CACNA1C: variants seen among roughly 807,000 people sequenced by gnomAD.
CACNA1C encodes the protein calcium voltage-gated channel subunit alpha1 C.
CACNA1C carries 30 observed loss-of-function variants against 229.0 expected under a neutral mutation model. That is an observed-to-expected ratio of 0.13 (90% CI 0.10 to 0.18). The LOEUF is 0.18. Ranked by LOEUF, CACNA1C falls within the 10% of genes least tolerant of loss-of-function variation. The pLI, the probability that CACNA1C is intolerant of heterozygous loss-of-function variation, is 1.00. For missense variants in CACNA1C, 1,658 were observed against 2,845.0 expected (o/e 0.58, Z 9.49); for synonymous variants, 1,114 against 1,132.5 (o/e 0.98, Z 0.33).
intron 3 of CACNA1C, among the ~76,000 whole-genome samples, chr12:2,333,990 T>C (rs1192519533): frequency 2.0e-5 from 3 of 152,172 alleles, no homozygotes; most frequent in Non-Finnish European, 4.4e-5. Flanking sequence ...TCTTACTCCT[T>C]CTGCAAACAG....
intron 2 of CACNA1C, among the ~76,000 whole-genome samples, chr12:2,117,270 CAAATAAAT>C (rs111273230): frequency 1.3e-5 from 2 of 152,092 alleles, no homozygotes; most frequent in East Asian, 1.9e-4. Context: ...AACTCTGTCT[CAAATAAAT>C]AAATAAATAA....
At chr12:2,008,178 C>T (rs528217112) in intron 1 of CACNA1C, among the ~76,000 whole-genome samples, 1 of 152,162 alleles carries the variant, frequency 6.6e-6, no homozygotes, top group East Asian at 1.9e-4. Context: ...AGTGCAGTGG[C>T]ACAATCACAG....
chr12:2,340,773 C>T (rs1017908073), intron 3 of CACNA1C, among the ~76,000 whole-genome samples: 4 of 151,712 alleles, frequency 2.6e-5, no homozygotes, highest in Middle Eastern at 3.2e-3. Flanking sequence ...CTGGTTAACA[C>T]GGTGAAACCC....
intron 3 of CACNA1C, among the ~76,000 whole-genome samples, chr12:2,266,471 C>T (rs2082447044): frequency 6.6e-6 from 1 of 152,242 alleles, no homozygotes; most frequent in Non-Finnish European, 1.5e-5. Context: ...TAGATGGAAC[C>T]TGGGACTTTC....
At chr12:1,985,714 C>T (rs2037494749) in intron 1 of CACNA1C, among the ~76,000 whole-genome samples, 1 of 152,314 alleles carries the variant, frequency 6.6e-6, no homozygotes, top group Admixed American at 6.5e-5. Flanking sequence ...AGAGAATGTT[C>T]ACTTTGTATA....
At chr12:2,069,310 C>T (rs2060396177) in intron 1 of CACNA1C, among the ~76,000 whole-genome samples, 1 of 152,118 alleles carries the variant, frequency 6.6e-6, no homozygotes, top group African/African-American at 2.4e-5. Context: ...CTTTCAGGCC[C>T]AGAAGGAAAT....
At chr12:2,148,811 C>A (rs2094961205) in intron 3 of CACNA1C, among the ~76,000 whole-genome samples, 1 of 140,998 alleles carries the variant, frequency 7.1e-6, no homozygotes, top group Admixed American at 7.4e-5. Context: ...CTCCAAAGTA[C>A]CCTCCCTCCC....
intron 1 of CACNA1C, among the ~76,000 whole-genome samples, chr12:2,094,089 G>C (rs908895691): frequency 1.3e-5 from 2 of 152,242 alleles, no homozygotes; most frequent in African/African-American, 2.4e-5. Flanking sequence ...GTGTGTAGCT[G>C]TTATTAGCCC....
At chr12:2,494,020 A>G (rs904906221) in intron 7 of CACNA1C, among the ~76,000 whole-genome samples, 1 of 150,448 alleles carries the variant, frequency 6.6e-6, no homozygotes, top group Non-Finnish European at 1.5e-5. Flanking sequence ...TTTTTTTTTT[A>G]ATTTTTATTT....
chr12:2,605,753 C>G lies in CACNA1C; in HGVS notation c.3123C>G (p.Phe1041Leu). ...TGATTGTCACCACCCTGCTGCAGTT[C>G]ATGTTTGCCTGCATCGGGGTCCAGC... ...NIVIVTTLLQ[F>L]MFACIGVQLF... is the part of the protein sequence containing the mutation. Residue 1041 changes from phenylalanine to leucine, a missense_variant, in exon 24 of 47, where the codon TTC becomes TTG. By Grantham distance (22) the Phe-to-Leu change is conservative. Transcript: ENST00000399655. This position sits in a 1 kb window ranked among gnomAD's most constrained non-coding sequence, Gnocchi z 6.2. 1 of 1,613,708 alleles carries G rather than the reference C, an allele frequency of 6.2e-7. No individual in the cohort carries two copies. Among genetic ancestry groups the G allele is most frequent in the Non-Finnish European group, 8.5e-7 (1 of 1,179,610 alleles).
chr12:2,424,170 A>G (rs993655287), intron 3 of CACNA1C, among the ~76,000 whole-genome samples: 2 of 152,152 alleles, frequency 1.3e-5, no homozygotes, highest in African/African-American at 4.8e-5. Context: ...GTGTTTTTCC[A>G]TCTTCAGTGG....
chr12:2,471,582 G>C (rs1340272236), intron 5 of CACNA1C, among the ~76,000 whole-genome samples: 3 of 151,988 alleles, frequency 2.0e-5, no homozygotes, highest in Non-Finnish European at 4.4e-5. Context: ...GAATATTTTT[G>C]CTGGTATAGA....
At chr12:2,547,032 A>C (rs146824209) in intron 9 of CACNA1C, among the ~76,000 whole-genome samples, 1 of 152,270 alleles carries the variant, frequency 6.6e-6, no homozygotes, top group Non-Finnish European at 1.5e-5. Context: ...GTAGGGATGA[A>C]GGGGATACCA....
At chr12:2,523,179 G>A (rs930696966) in intron 9 of CACNA1C, among the ~76,000 whole-genome samples, 3 of 146,954 alleles carry the variant, frequency 2.0e-5, no homozygotes, top group African/African-American at 7.8e-5. Context: ...TAGGGCATGG[G>A]TTTGATTTTT....
intron 29 of CACNA1C, among the ~76,000 whole-genome samples, chr12:2,631,508 T>C (rs2090390266): frequency 1.3e-5 from 2 of 152,308 alleles, no homozygotes; most frequent in African/African-American, 2.4e-5. Flanking sequence ...TCATCTGGGG[T>C]CTTCACTTCT....
At chr12:2,186,690 TTTC>T (rs1426276605) in intron 3 of CACNA1C, among the ~76,000 whole-genome samples, 1 of 152,134 alleles carries the variant, frequency 6.6e-6, no homozygotes, top group African/African-American at 2.4e-5. Context: ...CATAATGGGA[TTTC>T]TTAAGTGATT....
chr12:2,250,578 T>C (rs1249435949), intron 3 of CACNA1C, among the ~76,000 whole-genome samples: 3 of 152,200 alleles, frequency 2.0e-5, no homozygotes, highest in Non-Finnish European at 4.4e-5. Flanking sequence ...GGAGAGAGAC[T>C]GGCACCTCCT....
At chr12:2,534,798 C>T (rs919183986) in intron 9 of CACNA1C, among the ~76,000 whole-genome samples, 6 of 152,208 alleles carry the variant, frequency 3.9e-5, no homozygotes, top group Non-Finnish European at 7.4e-5. Context: ...TGGAAAAAAA[C>T]TTCATATGTT....
intron 14 of CACNA1C, 129 bp from the exon 15 acceptor site, chr12:2,582,693 A>G: frequency 1.1e-6 from 1 of 917,218 alleles, no homozygotes; most frequent in Non-Finnish European, 1.7e-6. Flanking sequence ...ATTGGGGGCC[A>G]GGAGGAGGGA....
Sources: gnomAD v4.1 joint callset for allele counts (sites outside exome capture counted in the v4.1 genomes callset) on GRCh38, gnomAD v4.1.1 for gene constraint, Gnocchi (gnomAD v3.1) non-coding constraint, MANE v1.5 for transcripts, NCBI Gene and HGNC (gene_info 2026-07-23, HGNC 2026-07-21) for gene names.